JARID2: variants seen among roughly 807,000 people sequenced by gnomAD.
JARID2 encodes the protein jumonji and AT-rich interaction domain containing 2, also known as protein Jumonji.
In JARID2, 21 loss-of-function variants were observed where a neutral mutation model predicts 125.6. The observed-to-expected ratio is 0.17, with a 90% CI of 0.12 to 0.24. The LOEUF is 0.24. JARID2 is among the 10% of genes least tolerant of loss of function. JARID2 has a pLI of 1.00. For missense variants in JARID2, 1,303 were observed against 1,639.6 expected, an observed-to-expected ratio of 0.79 and a Z score of 3.55; for synonymous variants, 736 against 661.6, an observed-to-expected ratio of 1.11 and a Z score of -1.73.
intron 1 of JARID2, among the ~76,000 whole-genome samples, chr6:15,331,400 CAG>C (rs1363523884): frequency 6.6e-6 from 1 of 151,302 alleles, no homozygotes; most frequent in East Asian, 1.9e-4. Context: ...TGAAGGAAAA[CAG>C]AAAGAGTGCC....
chr6:15,428,441 C>T (rs1475997542), intron 3 of JARID2, among the ~76,000 whole-genome samples: 1 of 152,062 alleles, frequency 6.6e-6, no homozygotes, highest in Non-Finnish European at 1.5e-5. Flanking sequence ...CCACAACAGG[C>T]CCTGGTGTGT....
At chr6:15,416,858 C>G (rs566023468) in intron 3 of JARID2, among the ~76,000 whole-genome samples, 1 of 152,162 alleles carries the variant, frequency 6.6e-6, no homozygotes, top group Non-Finnish European at 1.5e-5. Flanking sequence ...CCACTCAGTT[C>G]TTCTTGTAAA....
Position 15,520,675 on chromosome 6 carries a change from T to TA in JARID2, c.*425dup. On this transcript the variant is annotated 3_prime_UTR_variant, in exon 18 of 18. Coordinates refer to ENST00000341776, the MANE Select transcript of JARID2 (RefSeq NM_004973.4). ...ATGTGAGCAGATTTTTTAGAAGGGA[T>TA]AGGAGACACACGCGCACACACACAC... 2.6e-6 allele frequency: 1 copy of TA among 387,032 alleles called. No homozygotes were observed. The highest frequency in any genetic ancestry group is 1.7e-5 in the South Asian group (1 of 58,228). The allele number at this position is 387,032 out of a possible 1,614,324, so 24.0% of individuals were successfully genotyped here.
At chr6:15,379,175 T>TC (rs1764485494) in intron 2 of JARID2, among the ~76,000 whole-genome samples, 1 of 152,290 alleles carries the variant, frequency 6.6e-6, no homozygotes, top group Non-Finnish European at 1.5e-5. Flanking sequence ...TGAATTTTTT[T>TC]TTTTTTGGCC....
intron 3 of JARID2, among the ~76,000 whole-genome samples, chr6:15,422,680 C>T (rs1766551464): frequency 6.6e-6 from 1 of 152,190 alleles, no homozygotes; most frequent in African/African-American, 2.4e-5. Flanking sequence ...GCTTCCCCAT[C>T]AGGAAATAGA....
At chr6:15,316,062 A>G (rs186974008) in intron 1 of JARID2, among the ~76,000 whole-genome samples, 58 of 152,106 alleles carry the variant, frequency 3.8e-4, no homozygotes, top group Admixed American at 2.6e-4. Context: ...CTCAACTAAT[A>G]CGAAAAGTAC....
chr6:15,468,976 A>G lies in JARID2; in HGVS notation c.670+258A>G, dbSNP rs1443034909. Among the ~76,000 whole-genome samples the G allele has an allele frequency of 2.6e-5, 4 of 151,904 alleles. No individual in the cohort carries two copies. In the East Asian group the frequency reaches 7.8e-4, roughly 29 times the overall value. On this transcript the variant is annotated intron_variant, in intron 5 of 17. Transcript: ENST00000341776. ...GCTGTAGATAAACAGGCATCAGAACAGGAAAAGACCAGATCTACATGGGGA... is the reference window on the plus strand; with the variant it reads ...GCTGTAGATAAACAGGCATCAGAACGGGAAAAGACCAGATCTACATGGGGA...
At chr6:15,461,140 G>A (rs542790978) in intron 4 of JARID2, among the ~76,000 whole-genome samples, 1 of 152,230 alleles carries the variant, frequency 6.6e-6, no homozygotes, top group Non-Finnish European at 1.5e-5. Context: ...GATAGACCTT[G>A]TGGCATTTGA....
At chr6:15,351,808 C>T (rs1445626155) in intron 1 of JARID2, among the ~76,000 whole-genome samples, 2 of 152,126 alleles carry the variant, frequency 1.3e-5, no homozygotes, top group Admixed American at 6.5e-5. Flanking sequence ...AGCTGCTTCC[C>T]TTGGCAGGGA....
intron 2 of JARID2, among the ~76,000 whole-genome samples, chr6:15,404,552 C>T (rs1411980125): frequency 6.9e-6 from 1 of 145,830 alleles, no homozygotes; most frequent in Non-Finnish European, 1.5e-5. Flanking sequence ...CACACACACA[C>T]ACACACACAC....
intron 4 of JARID2, among the ~76,000 whole-genome samples, chr6:15,456,898 T>TTTTTTA (rs60705526): frequency 2.0e-5 from 3 of 149,620 alleles, no homozygotes; most frequent in Admixed American, 6.7e-5. Flanking sequence ...TTTTTTTTTT[T>TTTTTTA]ACAATCATAA....
intron 3 of JARID2, among the ~76,000 whole-genome samples, chr6:15,415,535 T>TCACCTCCCGGGCAGAGGCGCCCCC (rs1766119560): frequency 8.4e-6 from 1 of 119,522 alleles, no homozygotes; most frequent in Non-Finnish European, 1.7e-5. Context: ...GAGGCGCCCC[T>TCACCTCCCGGGCAGAGGCGCCCCC]CACCTCCCGG....
intron 3 of JARID2, among the ~76,000 whole-genome samples, chr6:15,447,471 G>C (rs1767724357): frequency 6.6e-6 from 1 of 152,192 alleles, no homozygotes; most frequent in Non-Finnish European, 1.5e-5. Flanking sequence ...GTGTTACCCA[G>C]GGCAGGAAGG....
intron 2 of JARID2, among the ~76,000 whole-genome samples, chr6:15,376,848 T>A (rs1173428329): frequency 6.6e-6 from 1 of 152,150 alleles, no homozygotes; most frequent in Non-Finnish European, 1.5e-5. Flanking sequence ...CTTCTGTAGG[T>A]GTTTTCGGAG....
chr6:15,332,324 G>T (rs911915035), intron 1 of JARID2, among the ~76,000 whole-genome samples: 1 of 152,136 alleles, frequency 6.6e-6, no homozygotes, highest in African/African-American at 2.4e-5. Flanking sequence ...AAACATGCCA[G>T]ACAATTCTTT....
At chr6:15,470,950 A>AT (rs1769048135) in intron 5 of JARID2, among the ~76,000 whole-genome samples, 1 of 152,224 alleles carries the variant, frequency 6.6e-6, no homozygotes, top group South Asian at 2.1e-4. Context: ...CCTGTTGATG[A>AT]TTTTAGATGT....
chr6:15,508,318 C>T (rs765664091), intron 11 of JARID2, 22 bp from the exon 12 acceptor site: 1 of 1,238,816 alleles, frequency 8.1e-7, no homozygotes, highest in Non-Finnish European at 1.2e-6. Context: ...TAAAAATGCC[C>T]TTTTCACTCT....
At chr6:15,405,536 G>A (rs934181483) in intron 2 of JARID2, among the ~76,000 whole-genome samples, 1 of 152,140 alleles carries the variant, frequency 6.6e-6, no homozygotes, top group Non-Finnish European at 1.5e-5. Flanking sequence ...CAATAGACAT[G>A]GTTTAATTTA....
intron 1 of JARID2, among the ~76,000 whole-genome samples, chr6:15,255,154 T>G (rs1269265289): frequency 6.7e-6 from 1 of 148,874 alleles, no homozygotes; most frequent in African/African-American, 2.5e-5. Flanking sequence ...TTTTTTTTTT[T>G]TTTTTGAGAC....
Sources: gnomAD v4.1 joint callset for allele counts (sites outside exome capture counted in the v4.1 genomes callset) on GRCh38, gnomAD v4.1.1 for gene constraint, MANE v1.5 for transcripts, NCBI Gene and HGNC (gene_info 2026-07-23, HGNC 2026-07-21) for gene names.